Variants in CDIN1 observed in about 807,000 individuals in gnomAD.
The protein encoded by CDIN1 is CDAN1-interacting nuclease 1.
Under a neutral mutation model 45.3 loss-of-function variants are expected in CDIN1, and 33 were observed. The observed-to-expected ratio is 0.73, with a 90% confidence interval of 0.55 to 0.97. CDIN1 has a LOEUF of 0.97. Ranked by LOEUF, CDIN1 falls within the 50% of genes least tolerant of loss-of-function variation. CDIN1 has a pLI of 0.00. For synonymous variants in CDIN1, 118 were observed against 124.4 expected (o/e 0.95, Z 0.34); for missense variants, 303 against 339.4 (o/e 0.89, Z 0.84).
chr15:36,600,270 T>A (rs2038033476), intron 1 of CDIN1, among the ~76,000 whole-genome samples: 2 of 152,176 alleles, frequency 1.3e-5, no homozygotes, highest in African/African-American at 4.8e-5. Context: ...AAAAGAAAAC[T>A]GCAGAGCAGG....
chr15:36,630,619 A>G (rs1366613242), intron 1 of CDIN1, among the ~76,000 whole-genome samples: 2 of 152,150 alleles, frequency 1.3e-5, no homozygotes, highest in African/African-American at 4.8e-5. Context: ...ATGTTGTCTT[A>G]GTCTGTTTTT....
chr15:36,605,500 C>T (rs561250203), intron 1 of CDIN1, among the ~76,000 whole-genome samples: 48 of 152,180 alleles, frequency 3.2e-4, no homozygotes, highest in African/African-American at 9.4e-4. Flanking sequence ...AGGAGGTTTC[C>T]GCGTTAGCTG....
chr15:36,597,199 T>C (rs1007373033), intron 1 of CDIN1, among the ~76,000 whole-genome samples: 1 of 152,222 alleles, frequency 6.6e-6, no homozygotes, highest in Non-Finnish European at 1.5e-5. Context: ...GAAAGGTTCA[T>C]AATGGTTGGC....
At chr15:36,771,484 A>G (rs1304085318) in intron 10 of CDIN1, among the ~76,000 whole-genome samples, 1 of 152,236 alleles carries the variant, frequency 6.6e-6, no homozygotes, top group East Asian at 1.9e-4. Context: ...AAAGCTTCCC[A>G]GCCAATTGTG....
At chr15:36,649,404 T>A (rs1174132164) in intron 3 of CDIN1, among the ~76,000 whole-genome samples, 1 of 151,978 alleles carries the variant, frequency 6.6e-6, no homozygotes, top group Non-Finnish European at 1.5e-5. Context: ...CTGATGCCTA[T>A]TTGCCAGTTA....
intron 10 of CDIN1, among the ~76,000 whole-genome samples, chr15:36,758,636 T>C (rs2053674079): frequency 6.6e-6 from 1 of 152,164 alleles, no homozygotes; most frequent in Non-Finnish European, 1.5e-5. Context: ...CAAAGAAATA[T>C]ATCACCTTTG....
chr15:36,769,831 G>C (rs985867260), intron 10 of CDIN1, among the ~76,000 whole-genome samples: 5 of 152,256 alleles, frequency 3.3e-5, no homozygotes, highest in Non-Finnish European at 7.4e-5. Flanking sequence ...AGCCCTGGGG[G>C]AAGGTGTTTG....
chr15:36,640,490 T>C lies in CDIN1; in HGVS notation c.102-3788T>C, dbSNP rs966321610. 20 of 272,820 alleles carry C rather than the reference T, an allele frequency of 7.3e-5. No homozygotes were observed. The South Asian group carries it at 1.2e-3, about 17-fold the overall frequency. 16.9% of individuals were successfully genotyped at this position (272,820 alleles called of 1,614,324 possible). A position where few individuals can be genotyped will look rare whatever the true frequency, so the allele number is the denominator to read the frequency against. ...TTCTTCCCAAGCTCCAGAAATAATA[T>C]TTATTTTTCTCAGAGAATGTTGAGC... is the stretch of plus-strand genomic sequence containing the variant. On this transcript the variant is annotated intron_variant, in intron 1 of 10. Transcript: ENST00000566621.
intron 8 of CDIN1, chr15:36,705,611 A>G (rs1166420062): frequency 6.6e-6 from 1 of 152,128 alleles, no homozygotes; most frequent in African/African-American, 2.4e-5. Flanking sequence ...GCTAGTTCAG[A>G]AAAGTTTCTG....
chr15:36,585,577 C>T (rs1473025998), intron 1 of CDIN1, among the ~76,000 whole-genome samples: 1 of 152,260 alleles, frequency 6.6e-6, no homozygotes, highest in East Asian at 1.9e-4. Flanking sequence ...TAGTGCATTA[C>T]ATCAGGGTCT....
intron 10 of CDIN1, among the ~76,000 whole-genome samples, chr15:36,774,695 G>A (rs972345947): frequency 5.3e-5 from 8 of 152,136 alleles, no homozygotes; most frequent in Admixed American, 2.6e-4. Flanking sequence ...ACATATGACC[G>A]TGTGATTAGT....
intron 1 of CDIN1, among the ~76,000 whole-genome samples, chr15:36,597,277 A>G (rs887111171): frequency 1.3e-5 from 2 of 152,176 alleles, no homozygotes; most frequent in Non-Finnish European, 2.9e-5. Flanking sequence ...TGCCAGAGTG[A>G]TGGTGATGAT....
At chr15:36,723,847 A>G (rs560585199) in intron 10 of CDIN1, among the ~76,000 whole-genome samples, 10 of 152,354 alleles carry the variant, frequency 6.6e-5, no homozygotes, top group Middle Eastern at 6.8e-3. Context: ...AGCATATTAT[A>G]TATTTCAGCG....
chr15:36,747,146 A>G, intron 10 of CDIN1: 1 of 394,870 alleles, frequency 2.5e-6, no homozygotes, highest in Non-Finnish European at 4.5e-6. Flanking sequence ...AAAAGTTTCA[A>G]CCAGCATGTG....
At chr15:36,722,461 T>TA (rs933801618) in intron 10 of CDIN1, among the ~76,000 whole-genome samples, 1 of 152,178 alleles carries the variant, frequency 6.6e-6, no homozygotes, top group African/African-American at 2.4e-5. Flanking sequence ...CCAAGGATTA[T>TA]AATAAGCATA....
intron 10 of CDIN1, among the ~76,000 whole-genome samples, chr15:36,805,133 A>G (rs928210171): frequency 1.3e-5 from 2 of 152,152 alleles, no homozygotes; most frequent in African/African-American, 4.8e-5. Flanking sequence ...ATTTGCAAGC[A>G]AAATTACTTA....
chr15:36,678,194 C>T (rs1789387867), intron 5 of CDIN1, among the ~76,000 whole-genome samples: 1 of 152,148 alleles, frequency 6.6e-6, no homozygotes, highest in South Asian at 2.1e-4. Context: ...AGTGGGAGAG[C>T]CAGTGGGCTA....
intron 8 of CDIN1, chr15:36,708,745 TTG>T (rs2042955810): frequency 1.3e-5 from 2 of 152,264 alleles, no homozygotes; most frequent in African/African-American, 4.8e-5. Context: ...TGTCTCTTTC[TTG>T]TGTGTGGGAA....
At chr15:36,695,242 T>C (rs1407132534) in intron 7 of CDIN1, among the ~76,000 whole-genome samples, 2 of 152,188 alleles carry the variant, frequency 1.3e-5, no homozygotes, top group African/African-American at 2.4e-5. Flanking sequence ...TTTATTTAAG[T>C]TGAACTCGTG....
Sources: gnomAD v4.1 joint callset for allele counts (sites outside exome capture counted in the v4.1 genomes callset) on GRCh38, gnomAD v4.1.1 for gene constraint, MANE v1.5 for transcripts, NCBI Gene and HGNC (gene_info 2026-07-23, HGNC 2026-07-21) for gene names.